Variants in SEMA4D observed in about 807,000 individuals in gnomAD.
The protein encoded by SEMA4D is semaphorin-4D.
SEMA4D carries 22 observed loss-of-function variants against 74.8 expected under a neutral mutation model. That is an observed-to-expected ratio of 0.29 (90% CI 0.21 to 0.42). The LOEUF (loss-of-function observed/expected upper bound fraction) is 0.42, where lower values mean the gene tolerates loss of function less well. Among genes scored for constraint, SEMA4D ranks in the 10% least tolerant of loss-of-function variants. The probability of loss-of-function intolerance (pLI) is 1.00; values close to 1 mark genes in which losing one functional copy is unlikely to be tolerated. For missense variants in SEMA4D, 937 were observed against 1,118.4 expected (o/e 0.84, Z 2.31); for synonymous variants, 445 against 463.7 (o/e 0.96, Z 0.52).
chr9:89,394,453 T>G (rs1840483434), intron 6 of SEMA4D, among the ~76,000 whole-genome samples: 1 of 151,926 alleles, frequency 6.6e-6, no homozygotes, highest in Non-Finnish European at 1.5e-5. Context: ...ACAGGCAAAA[T>G]CCAGCAAGTG....
At chr9:89,418,061 T>A (rs966990851) in intron 2 of SEMA4D, 1 of 983,234 alleles carries the variant, frequency 1.0e-6, no homozygotes, top group African/African-American at 1.7e-5. Context: ...TTTACCTGTA[T>A]CTTATGCCTC....
At chr9:89,434,793 G>T (rs1468654447) in intron 2 of SEMA4D, among the ~76,000 whole-genome samples, 1 of 152,232 alleles carries the variant, frequency 6.6e-6, no homozygotes, top group Non-Finnish European at 1.5e-5. Flanking sequence ...GGCATGTGCA[G>T]CCATGGACCT....
intron 6 of SEMA4D, among the ~76,000 whole-genome samples, chr9:89,394,286 G>C (rs1280576006): frequency 1.3e-5 from 2 of 152,194 alleles, no homozygotes; most frequent in Admixed American, 6.5e-5. Context: ...TCCAACCACA[G>C]AGAGAACTGG....
chr9:89,432,444 G>A (rs556879362), intron 2 of SEMA4D, among the ~76,000 whole-genome samples: 18 of 152,180 alleles, frequency 1.2e-4, no homozygotes, highest in South Asian at 6.2e-4. Flanking sequence ...TGTGAGGGGC[G>A]CCCTCCAGCA....
exon 19 of SEMA4D, chr9:89,362,321 C>T: frequency 1.9e-6 from 3 of 1,612,282 alleles, no homozygotes; most frequent in South Asian, 2.2e-5. Flanking sequence ...GGGGACCAGG[C>T]CTTCTCCGGG....
At chr9:89,411,787 C>CTGACT (rs1844575608) in intron 2 of SEMA4D, among the ~76,000 whole-genome samples, 1 of 152,180 alleles carries the variant, frequency 6.6e-6, no homozygotes. Context: ...CTGTGCAGAG[C>CTGACT]CTGGGTCCCT....
chr9:89,461,720 G>A (rs1274384267), intron 1 of SEMA4D, among the ~76,000 whole-genome samples: 6 of 16,400 alleles, frequency 3.7e-4, no homozygotes, highest in African/African-American at 1.2e-3. Flanking sequence ...TTTTTTTTTT[G>A]GAGACAGAGT....
chr9:89,458,897 C>T (rs1017133592), intron 1 of SEMA4D, among the ~76,000 whole-genome samples: 9 of 150,766 alleles, frequency 6.0e-5, no homozygotes, highest in East Asian at 2.0e-4. Flanking sequence ...TGTACCTATA[C>T]GCACACTCAT....
intron 2 of SEMA4D, among the ~76,000 whole-genome samples, chr9:89,435,627 G>A (rs778634643): frequency 6.6e-6 from 1 of 152,074 alleles, no homozygotes; most frequent in Non-Finnish European, 1.5e-5. Flanking sequence ...GACAAACAAG[G>A]CCACCCAGGT....
Position 89,451,937 on chromosome 9 carries a change from A to T in SEMA4D, c.-244+3951T>A, listed in dbSNP as rs73488240. Among the ~76,000 whole-genome samples the T allele has an allele frequency of 5.3e-3, 807 of 152,278 alleles. 9 individuals carry two copies. The highest frequency in any genetic ancestry group is 0.018 in the African/African-American group (729 of 41,542). ...TCAAGGCATCTCGGCTCTGATCAGC[A>T]CACTTCTGGTGCTCTGTATCAGGTG... On this transcript the variant is annotated intron_variant, in intron 2 of 15. Coordinates refer to ENST00000422704, the MANE Select transcript of SEMA4D (RefSeq NM_001371194.2).
intron 15 of SEMA4D, 150 bp downstream of exon 15, chr9:89,380,905 A>T: frequency 1.1e-6 from 1 of 914,588 alleles, no homozygotes; most frequent in Non-Finnish European, 1.7e-6. Context: ...GACAGAGAAG[A>T]CCACGAGTCT....
intron 4 of SEMA4D, among the ~76,000 whole-genome samples, chr9:89,401,215 C>A (rs912885435): frequency 6.9e-6 from 1 of 144,710 alleles, no homozygotes; most frequent in Admixed American, 6.8e-5. Flanking sequence ...AGCCACCACA[C>A]CTGGCTATTT....
chr9:89,413,397 A>C (rs1007547468), intron 2 of SEMA4D, among the ~76,000 whole-genome samples: 2 of 152,266 alleles, frequency 1.3e-5, no homozygotes, highest in African/African-American at 4.8e-5. Flanking sequence ...AGTACCCAGC[A>C]ACCACTGTGC....
At chr9:89,386,327 A>G (rs1438559642) in intron 13 of SEMA4D, 40 bp downstream of exon 13, 1 of 1,466,620 alleles carries the variant, frequency 6.8e-7, no homozygotes. Context: ...AAAGCCACCG[A>G]GCGGAGAAGC....
intron 1 of SEMA4D, among the ~76,000 whole-genome samples, chr9:89,463,455 C>G (rs1318114114): frequency 2.0e-5 from 3 of 152,218 alleles, no homozygotes; most frequent in African/African-American, 4.8e-5. Context: ...ATCTGTTCAG[C>G]AGGGCTACTT....
At chr9:89,443,965 G>C (rs1022189779) in intron 2 of SEMA4D, among the ~76,000 whole-genome samples, 1 of 152,182 alleles carries the variant, frequency 6.6e-6, no homozygotes, top group African/African-American at 2.4e-5. Context: ...GCAGTGACAC[G>C]GTCACCCCAC....
intron 1 of SEMA4D, among the ~76,000 whole-genome samples, chr9:89,456,275 C>T (rs552780725): frequency 6.6e-6 from 1 of 152,354 alleles, no homozygotes; most frequent in Admixed American, 6.5e-5. Context: ...CTCTCCTTGG[C>T]TCAGCACACA....
chr9:89,397,454 T>C (rs1841238833), intron 5 of SEMA4D, among the ~76,000 whole-genome samples: 2 of 152,058 alleles, frequency 1.3e-5, no homozygotes, highest in East Asian at 1.9e-4. Flanking sequence ...CCCATGGGAG[T>C]GGCTGCACTA....
At chr9:89,434,848 G>T (rs1440755837) in intron 2 of SEMA4D, among the ~76,000 whole-genome samples, 2 of 152,186 alleles carry the variant, frequency 1.3e-5, no homozygotes, top group Non-Finnish European at 2.9e-5. Flanking sequence ...TAGAGGGGAG[G>T]CAGGGCAGCT....
Sources: gnomAD v4.1 joint callset for allele counts (sites outside exome capture counted in the v4.1 genomes callset) on GRCh38, gnomAD v4.1.1 for gene constraint, MANE v1.5 for transcripts, NCBI Gene and HGNC (gene_info 2026-07-23, HGNC 2026-07-21) for gene names.